Variants in EEPD1 observed in about 807,000 individuals in gnomAD.
EEPD1 encodes endonuclease/exonuclease/phosphatase family domain-containing protein 1.
EEPD1 carries 17 observed loss-of-function variants against 46.3 expected under a neutral mutation model. That is an observed-to-expected ratio of 0.37 (90% CI 0.25 to 0.55). The LOEUF (loss-of-function observed/expected upper bound fraction) is 0.55. EEPD1 is among the 20% of genes least tolerant of loss of function. The pLI is 0.83. For synonymous variants in EEPD1, 313 were observed against 315.6 expected (o/e 0.99, Z 0.09); for missense variants, 673 against 745.6 (o/e 0.90, Z 1.13).
At chr7:36,173,686 G>C (rs1459376190) in intron 2 of EEPD1, among the ~76,000 whole-genome samples, 1 of 152,158 alleles carries the variant, frequency 6.6e-6, no homozygotes, top group African/African-American at 2.4e-5. Flanking sequence ...CTTTATAGCA[G>C]TGTGAAAATC....
At chr7:36,277,483 C>T (rs538478278) in intron 3 of EEPD1, among the ~76,000 whole-genome samples, 2 of 152,242 alleles carry the variant, frequency 1.3e-5, no homozygotes, top group African/African-American at 4.8e-5. Flanking sequence ...AAAATGATGC[C>T]GATTCTCGTG....
intron 2 of EEPD1, among the ~76,000 whole-genome samples, chr7:36,212,077 A>T (rs980916380): frequency 6.6e-6 from 1 of 152,248 alleles, no homozygotes; most frequent in Non-Finnish European, 1.5e-5. Flanking sequence ...AAGGTCATTT[A>T]TATCTCAATA....
Position 36,153,637 on chromosome 7 carries a change from G to C in EEPD1, c.-230G>C, listed in dbSNP as rs1784762852. On this transcript the variant is annotated 5_prime_UTR_variant, in exon 1 of 8. Coordinates refer to ENST00000242108, the MANE Select transcript of EEPD1 (RefSeq NM_030636.3). ...CTGGGCTCAGGCTTCCGAGCCGCAGGTGGAAGAGGAACCGGCGCCCCGCAG... is the reference window on the plus strand; with the variant it reads ...CTGGGCTCAGGCTTCCGAGCCGCAGCTGGAAGAGGAACCGGCGCCCCGCAG... The C allele has an allele frequency of 6.6e-6, 1 of 152,634 alleles. No individual in the cohort carries two copies. The highest frequency in any genetic ancestry group is 2.4e-5 in the African/African-American group (1 of 41,470). The allele number at this position is 152,634 out of a possible 1,614,324, so 9.5% of individuals were successfully genotyped here. A position where few individuals can be genotyped will look rare whatever the true frequency, so the allele number is the denominator to read the frequency against.
At chr7:36,159,106 G>A (rs1446256140) in intron 2 of EEPD1, among the ~76,000 whole-genome samples, 1 of 152,194 alleles carries the variant, frequency 6.6e-6, no homozygotes, top group Non-Finnish European at 1.5e-5. Context: ...TTGATTAGTA[G>A]GATCAATATA....
At chr7:36,222,306 T>C (rs1359744256) in intron 2 of EEPD1, among the ~76,000 whole-genome samples, 2 of 152,186 alleles carry the variant, frequency 1.3e-5, no homozygotes, top group Non-Finnish European at 2.9e-5. Flanking sequence ...AGAGAACATA[T>C]GTTTACTAGT....
At chr7:36,189,406 A>T (rs1298530050) in intron 2 of EEPD1, among the ~76,000 whole-genome samples, 1 of 152,262 alleles carries the variant, frequency 6.6e-6, no homozygotes, top group Non-Finnish European at 1.5e-5. Context: ...GTTAAAACTA[A>T]CATTATTATT....
intron 2 of EEPD1, among the ~76,000 whole-genome samples, chr7:36,187,058 CAT>C (rs56691962): frequency 0.62 from 94,209 of 151,754 alleles, 30,329 homozygotes; most frequent in East Asian, 0.77. Flanking sequence ...TCTTGGTTTG[CAT>C]TGGCCGTGGC....
chr7:36,223,041 C>T (rs1786173039), intron 2 of EEPD1, among the ~76,000 whole-genome samples: 1 of 152,032 alleles, frequency 6.6e-6, no homozygotes, highest in South Asian at 2.1e-4. Flanking sequence ...ATCCCAGCTA[C>T]TTGGGAGGCT....
intron 2 of EEPD1, among the ~76,000 whole-genome samples, chr7:36,236,669 C>G (rs938251885): frequency 6.6e-6 from 1 of 152,156 alleles, no homozygotes; most frequent in African/African-American, 2.4e-5. Context: ...GTAAACGCAC[C>G]AATCAGCGCT....
intron 2 of EEPD1, among the ~76,000 whole-genome samples, chr7:36,206,131 G>T (rs2115713754): frequency 6.6e-6 from 1 of 152,220 alleles, no homozygotes; most frequent in East Asian, 1.9e-4. Context: ...TGATAACAGG[G>T]CTAAATCCCT....
At chr7:36,199,756 G>T (rs1049320223) in intron 2 of EEPD1, among the ~76,000 whole-genome samples, 8 of 152,134 alleles carry the variant, frequency 5.3e-5, no homozygotes, top group African/African-American at 1.9e-4. Flanking sequence ...AAGCTATGGT[G>T]GTTCCCAACA....
chr7:36,186,329 G>A (rs185556162), intron 2 of EEPD1, among the ~76,000 whole-genome samples: 32 of 152,288 alleles, frequency 2.1e-4, no homozygotes, highest in African/African-American at 7.2e-4. Context: ...GATGGGAATG[G>A]CCAGTGGGGA....
At chr7:36,289,363 G>T (rs1301713696) in intron 6 of EEPD1, among the ~76,000 whole-genome samples, 2 of 152,108 alleles carry the variant, frequency 1.3e-5, no homozygotes, top group Non-Finnish European at 2.9e-5. Context: ...TTGGCAACCA[G>T]CATTCTACCT....
chr7:36,231,662 C>T (rs975476429), intron 2 of EEPD1, among the ~76,000 whole-genome samples: 5 of 152,150 alleles, frequency 3.3e-5, no homozygotes, highest in African/African-American at 1.2e-4. Context: ...CCCAGACACA[C>T]GGCAGTTTCT....
At chr7:36,192,902 G>A (rs1785484279) in intron 2 of EEPD1, among the ~76,000 whole-genome samples, 2 of 152,350 alleles carry the variant, frequency 1.3e-5, no homozygotes, top group South Asian at 4.1e-4. Context: ...ATGAGGATGA[G>A]TGGTGGCCAG....
At chr7:36,219,806 A>AGAGAGAGAGTGTGT (rs1341203087) in intron 2 of EEPD1, among the ~76,000 whole-genome samples, 3 of 75,398 alleles carry the variant, frequency 4.0e-5, no homozygotes, top group African/African-American at 9.1e-5. Context: ...AGAGAGAGAG[A>AGAGAGAGAGTGTGT]GTGTGTGTGT....
chr7:36,203,140 G>A (rs1422045642), intron 2 of EEPD1, among the ~76,000 whole-genome samples: 1 of 152,176 alleles, frequency 6.6e-6, no homozygotes, highest in Non-Finnish European at 1.5e-5. Flanking sequence ...GGGTCAGAAT[G>A]CCCCCTTTTT....
At chr7:36,292,354 T>TTTTTC (rs985201783) in intron 6 of EEPD1, among the ~76,000 whole-genome samples, 3 of 149,098 alleles carry the variant, frequency 2.0e-5, no homozygotes, top group Non-Finnish European at 3.0e-5. Flanking sequence ...CTTTCTTTCT[T>TTTTTC]TTTTCTTTTC....
chr7:36,165,750 T>C (rs1188148246), intron 2 of EEPD1, among the ~76,000 whole-genome samples: 4 of 152,030 alleles, frequency 2.6e-5, no homozygotes, highest in African/African-American at 9.7e-5. Context: ...ATGATCCATT[T>C]CTTAGAACAT....
Sources: allele counts gnomAD v4.1 joint callset (sites outside exome capture counted in the v4.1 genomes callset), GRCh38; gene constraint gnomAD v4.1.1; transcripts MANE v1.5; gene names NCBI Gene and HGNC (gene_info 2026-07-23, HGNC 2026-07-21).